ARHGAP24: variants seen among roughly 807,000 people sequenced by gnomAD.
ARHGAP24 encodes rho GTPase-activating protein 24.
Under a neutral mutation model 76.4 loss-of-function variants are expected in ARHGAP24, and 50 were observed. The ratio of observed to expected loss-of-function variants is 0.65; its 90% CI spans 0.52 to 0.83. ARHGAP24 has a LOEUF of 0.83. Ranked by LOEUF, ARHGAP24 falls within the 40% of genes least tolerant of loss-of-function variation. The pLI, the probability that ARHGAP24 is intolerant of heterozygous loss-of-function variation, is 0.00. For synonymous variants in ARHGAP24, 345 were observed against 323.3 expected (o/e 1.07, Z -0.72); for missense variants, 930 against 914.2 (o/e 1.02, Z -0.22).
chr4:85,724,673 A>G (rs1223586924), intron 3 of ARHGAP24, among the ~76,000 whole-genome samples: 3 of 152,060 alleles, frequency 2.0e-5, no homozygotes, highest in Admixed American at 6.6e-5. Context: ...ATATTTGTTT[A>G]CAAATTATAT....
chr4:85,722,464 C>A (rs1327198675), intron 3 of ARHGAP24: 1 of 166,622 alleles, frequency 6.0e-6, no homozygotes, highest in Non-Finnish European at 1.3e-5. Context: ...CCAAGTATTA[C>A]AGTTCTGTAC....
intron 7 of ARHGAP24, among the ~76,000 whole-genome samples, chr4:85,977,119 T>A (rs1180081353): frequency 6.6e-6 from 1 of 152,252 alleles, no homozygotes; most frequent in East Asian, 1.9e-4. Context: ...CTTAATATAC[T>A]ATAATTTTGA....
At chr4:85,801,660 A>G (rs1728582630) in intron 3 of ARHGAP24, among the ~76,000 whole-genome samples, 1 of 152,240 alleles carries the variant, frequency 6.6e-6, no homozygotes, top group African/African-American at 2.4e-5. Flanking sequence ...AAAATTATAT[A>G]ACTGTTCCCT....
chr4:85,580,601 T>G (rs565986897), intron 2 of ARHGAP24, among the ~76,000 whole-genome samples: 1 of 152,266 alleles, frequency 6.6e-6, no homozygotes, highest in East Asian at 1.9e-4. Context: ...CTCTACGAAC[T>G]TTTTCCAGTT....
chr4:85,761,222 T>C (rs376408151), intron 3 of ARHGAP24, among the ~76,000 whole-genome samples: 2 of 152,330 alleles, frequency 1.3e-5, no homozygotes, highest in African/African-American at 4.8e-5. Context: ...TTCTCTCTTG[T>C]TATTTCATGT....
At chr4:85,855,846 C>G (rs548503496) in intron 3 of ARHGAP24, among the ~76,000 whole-genome samples, 1 of 151,944 alleles carries the variant, frequency 6.6e-6, no homozygotes, top group Non-Finnish European at 1.5e-5. Context: ...TCCTTCATAC[C>G]CTCATCTGGC....
chr4:85,664,484 T>G (rs985051852), intron 2 of ARHGAP24, among the ~76,000 whole-genome samples: 8 of 151,022 alleles, frequency 5.3e-5, no homozygotes, highest in African/African-American at 7.4e-5. Flanking sequence ...ATTAATTTTT[T>G]GAAGGGTTTT....
intron 8 of ARHGAP24, among the ~76,000 whole-genome samples, chr4:85,985,256 G>A (rs1739917141): frequency 1.3e-5 from 2 of 152,120 alleles, no homozygotes; most frequent in South Asian, 4.1e-4. Context: ...TGATAGACTG[G>A]ATAAAGAAAA....
chr4:85,755,683 A>AGTGCAATG (rs1726465411), intron 3 of ARHGAP24, among the ~76,000 whole-genome samples: 1 of 129,682 alleles, frequency 7.7e-6, no homozygotes, highest in Non-Finnish European at 1.6e-5. Flanking sequence ...CCCAGGCTGG[A>AGTGCAATG]GTGCAATGGC....
At chr4:85,585,343 G>A (rs1023797659) in intron 2 of ARHGAP24, among the ~76,000 whole-genome samples, 3 of 152,242 alleles carry the variant, frequency 2.0e-5, no homozygotes, top group Non-Finnish European at 4.4e-5. Flanking sequence ...CAGGAAATGT[G>A]CCATGGACTG....
chr4:85,662,949 C>T (rs941413450), intron 2 of ARHGAP24, among the ~76,000 whole-genome samples: 2 of 150,404 alleles, frequency 1.3e-5, no homozygotes, highest in African/African-American at 2.5e-5. Context: ...AGTCAGGTAG[C>T]GTGATGCCTC....
At chr4:85,890,461 A>G (rs956756018) in intron 3 of ARHGAP24, among the ~76,000 whole-genome samples, 1 of 152,208 alleles carries the variant, frequency 6.6e-6, no homozygotes, top group African/African-American at 2.4e-5. Flanking sequence ...CTCTGTGAAT[A>G]TGGGTGGTGA....
chr4:85,551,953 ATT>A (rs1726157445), intron 1 of ARHGAP24, among the ~76,000 whole-genome samples: 1 of 151,678 alleles, frequency 6.6e-6, no homozygotes, highest in South Asian at 2.1e-4. Flanking sequence ...TACCTTATTT[ATT>A]ATTTAAAAAA....
At chr4:85,720,044 C>T (rs1375297393) in intron 2 of ARHGAP24, among the ~76,000 whole-genome samples, 3 of 148,630 alleles carry the variant, frequency 2.0e-5, no homozygotes, top group Non-Finnish European at 4.4e-5. Flanking sequence ...TGTTCTCACT[C>T]ATAGCTGGGA....
At chr4:85,690,690 G>T (rs1723617999) in intron 2 of ARHGAP24, among the ~76,000 whole-genome samples, 1 of 142,146 alleles carries the variant, frequency 7.0e-6, no homozygotes, top group South Asian at 2.2e-4. Context: ...TTGTTTGGGT[G>T]TTCTCACCCA....
intron 3 of ARHGAP24, among the ~76,000 whole-genome samples, chr4:85,748,024 G>A (rs1296925267): frequency 6.6e-6 from 1 of 152,224 alleles, no homozygotes; most frequent in African/African-American, 2.4e-5. Flanking sequence ...TTGGCTGTGT[G>A]GAAGTAGTTT....
intron 2 of ARHGAP24, among the ~76,000 whole-genome samples, chr4:85,593,935 G>A (rs897438092): frequency 5.3e-5 from 8 of 151,892 alleles, no homozygotes; most frequent in African/African-American, 1.7e-4. Flanking sequence ...TGGCTATTCC[G>A]GGTCTTTTGT....
At chr4:85,670,182 C>T (rs188626728) in intron 2 of ARHGAP24, among the ~76,000 whole-genome samples, 70 of 152,230 alleles carry the variant, frequency 4.6e-4, no homozygotes, top group African/African-American at 1.6e-3. Flanking sequence ...ACATGAACCA[C>T]GGTGCCTGAT....
chr4:86,000,980 G>T lies in ARHGAP24; in HGVS notation c.*258G>T. ...TTCAAAAGTAAACTAAAAATGAGAA[G>T]CATATTTCAAGAATTATTTTATTGC... On this transcript the variant is annotated 3_prime_UTR_variant, in exon 10 of 10. Transcript: ENST00000395184. 7.9e-6 allele frequency: 4 copies of T among 507,890 alleles called. No homozygotes were observed. Among genetic ancestry groups the T allele is most frequent in the Non-Finnish European group, 1.0e-5 (3 of 291,100 alleles). 31.5% of individuals were successfully genotyped at this position (507,890 alleles called of 1,614,324 possible).
Sources: allele counts gnomAD v4.1 joint callset (sites outside exome capture counted in the v4.1 genomes callset), GRCh38; gene constraint gnomAD v4.1.1; transcripts MANE v1.5; gene names NCBI Gene and HGNC (gene_info 2026-07-23, HGNC 2026-07-21).